Variants in MADD observed in about 807,000 individuals in gnomAD.
The protein encoded by MADD is MAP kinase activating death domain, also known as MAP kinase-activating death domain protein.
In MADD, 109 loss-of-function variants were observed where a neutral mutation model predicts 176.7. That is an observed-to-expected ratio of 0.62 (90% CI 0.53 to 0.72). The LOEUF is 0.72. Among genes scored for constraint, MADD ranks in the 30% least tolerant of loss-of-function variants. The pLI is 0.00. For synonymous variants in MADD, 771 were observed against 771.3 expected (o/e 1.00, Z 0.01); for missense variants, 1,914 against 2,045.5 (o/e 0.94, Z 1.24).
intron 22 of MADD, among the ~76,000 whole-genome samples, chr11:47,305,569 G>A (rs2081973055): frequency 6.6e-6 from 1 of 152,130 alleles, no homozygotes; most frequent in Non-Finnish European, 1.5e-5. Context: ...CACGGAATGA[G>A]GCACCATGTA....
At chr11:47,292,669 G>T in intron 19 of MADD, 73 bp downstream of exon 21, 1 of 1,489,992 alleles carries the variant, frequency 6.7e-7, no homozygotes, top group Non-Finnish European at 9.3e-7. Context: ...GTTGGGGCAG[G>T]CTCCCTTTGT....
chr11:47,306,858 G>GT (rs539438794), intron 22 of MADD, among the ~76,000 whole-genome samples: 39 of 151,148 alleles, frequency 2.6e-4, no homozygotes, highest in Admixed American at 5.9e-4. Flanking sequence ...CCCCTAGGCT[G>GT]TTTTTTTTTG....
chr11:47,284,987 T>G (rs1185944309), exon 13 of MADD: 1 of 1,613,892 alleles, frequency 6.2e-7, no homozygotes, highest in Admixed American at 1.7e-5. Flanking sequence ...GCAGTAGGCG[T>G]CTCCAAGCCC....
At chr11:47,277,197 A>G (rs2050841363) in intron 5 of MADD, among the ~76,000 whole-genome samples, 1 of 152,254 alleles carries the variant, frequency 6.6e-6, no homozygotes, top group Non-Finnish European at 1.5e-5. Flanking sequence ...TCCAAACTCT[A>G]TAGATACTTT....
In MADD at chr11:47,292,525, G is replaced by A. The variant is rs756220376; in HGVS notation, c.3302-1358G>A. On this transcript the variant is annotated intron_variant, in intron 19 of 32. Coordinates refer to ENST00000402192, the Ensembl canonical transcript of MADD. ...GACTTTCTGTCTTTCTCTCCTGCTTGCATTGCATCTGGGGTAGAATTGTGG... is the reference window on the plus strand; with the variant it reads ...GACTTTCTGTCTTTCTCTCCTGCTTACATTGCATCTGGGGTAGAATTGTGG... 18 of 1,612,648 alleles carry A rather than the reference G, an allele frequency of 1.1e-5. No homozygotes were observed. The South Asian group carries it at 1.9e-4, about 17-fold the overall frequency.
chr11:47,303,501 G>T (rs969644139), intron 22 of MADD, among the ~76,000 whole-genome samples: 4 of 151,942 alleles, frequency 2.6e-5, no homozygotes, highest in Non-Finnish European at 5.9e-5. Flanking sequence ...GCCTCCCAAA[G>T]TGCTGGGATT....
At chr11:47,328,609 G>C (rs1230816099) in intron 31 of MADD, 49 bp from the exon 36 acceptor site, 1 of 1,613,342 alleles carries the variant, frequency 6.2e-7, no homozygotes, top group African/African-American at 1.3e-5. Context: ...TGGCACGATT[G>C]CTCTTAGTGT....
chr11:47,293,811 G>A (rs1055535890), intron 19 of MADD, 72 bp from the exon 22 acceptor site: 2 of 960,148 alleles, frequency 2.1e-6, no homozygotes, highest in Admixed American at 1.8e-5. Flanking sequence ...AGCCTGTGCT[G>A]CCGTCCCACC....
chr11:47,284,659 T>G (rs1403529100), intron 12 of MADD, 94 bp downstream of exon 12: 1 of 1,454,904 alleles, frequency 6.9e-7, no homozygotes, highest in African/African-American at 1.4e-5. Flanking sequence ...ATTTGCTGCT[T>G]CTCACACAAT....
intron 27 of MADD, 135 bp downstream of exon 30, chr11:47,315,462 G>GT (rs543118995): frequency 1.9e-5 from 10 of 539,400 alleles, no homozygotes; most frequent in African/African-American, 1.6e-4. Context: ...TATCAGATTG[G>GT]TTTTTTTGTT....
At chr11:47,280,163 C>T (rs771922937) in intron 7 of MADD, among the ~76,000 whole-genome samples, 4 of 152,140 alleles carry the variant, frequency 2.6e-5, no homozygotes, top group Non-Finnish European at 5.9e-5. Context: ...AACACAGTAC[C>T]TGAAGGTAAC....
Position 47,285,609 on chromosome 11 carries a change from C to G in MADD, c.2551+19C>G, listed in dbSNP as rs764332688. 11 of 1,613,738 alleles carry G rather than the reference C, an allele frequency of 6.8e-6. No homozygotes were observed. Among genetic ancestry groups the G allele is most frequent in the South Asian group, 1.1e-5 (1 of 91,064 alleles). On this transcript the variant is annotated intron_variant, in intron 14 of 32. Coordinates refer to ENST00000402192, the Ensembl canonical transcript of MADD. ...TTTGCCAGTAAGTGCCTTCAGCTGT[C>G]TCTCTCACTCCTGTGTTCCATTTTC...
intron 13 of MADD, 86 bp downstream of exon 13, chr11:47,285,280 A>C: frequency 1.9e-6 from 3 of 1,566,302 alleles, no homozygotes; most frequent in Non-Finnish European, 2.6e-6. Context: ...AGAAAGTCTG[A>C]GAAGTCTGAA....
intron 5 of MADD, among the ~76,000 whole-genome samples, chr11:47,277,869 T>C (rs563116954): frequency 6.6e-6 from 1 of 152,312 alleles, no homozygotes; most frequent in South Asian, 2.1e-4. Flanking sequence ...AGTTTAAAAT[T>C]TATGAATTGT....
At chr11:47,281,659 G>A in exon 8 of MADD, 2 of 1,613,328 alleles carry the variant, frequency 1.2e-6, no homozygotes, top group Non-Finnish European at 1.7e-6. Context: ...CCTTCTCTTG[G>A]GAAGGCCTTC....
chr11:47,323,655 T>C lies in MADD; in HGVS notation c.4198-16T>C. The C allele has an allele frequency of 6.2e-7, 1 of 1,610,370 alleles. No individual in the cohort carries two copies. ...CAGAGACAGGAACCACTGAGCCGCT[T>C]TGTGCACTTCTCCAGGTGTGCGATG... On this transcript the variant is annotated splice_polypyrimidine_tract_variant and intron_variant, in intron 27 of 32. Coordinates refer to ENST00000402192, the Ensembl canonical transcript of MADD.
intron 22 of MADD, among the ~76,000 whole-genome samples, chr11:47,301,255 G>A (rs571122797): frequency 4.5e-4 from 69 of 151,966 alleles, no homozygotes; most frequent in African/African-American, 1.7e-3. Context: ...TGAGATTACA[G>A]GTGCCCACCA....
chr11:47,298,833 C>T (rs1187262272), intron 22 of MADD, among the ~76,000 whole-genome samples: 1 of 152,052 alleles, frequency 6.6e-6, no homozygotes, highest in Non-Finnish European at 1.5e-5. Context: ...AGTCTTTAAT[C>T]CATTTTGGGT....
chr11:47,270,040 C>G (rs1565224710), upstream of MADD: 1 of 152,352 alleles, frequency 6.6e-6, no homozygotes, highest in Admixed American at 6.5e-5. Flanking sequence ...CCGCGGCGCT[C>G]GGCTCGGTGC....
Sources: gnomAD v4.1 joint callset for allele counts (sites outside exome capture counted in the v4.1 genomes callset) on GRCh38, gnomAD v4.1.1 for gene constraint, MANE v1.5 for transcripts, NCBI Gene and HGNC (gene_info 2026-07-23, HGNC 2026-07-21) for gene names.